The following CREB3L2 variants were observed in gnomAD, a reference collection of about 807,000 sequenced individuals.
The protein encoded by CREB3L2 is cAMP responsive element binding protein 3 like 2, also known as cyclic AMP-responsive element-binding protein 3-like protein 2.
CREB3L2 carries 23 observed loss-of-function variants against 57.2 expected under a neutral mutation model. The ratio of observed to expected loss-of-function variants is 0.40; its 90% CI spans 0.29 to 0.57. CREB3L2 has a LOEUF of 0.57. Ranked by LOEUF, CREB3L2 falls within the 20% of genes least tolerant of loss-of-function variation. The probability of loss-of-function intolerance (pLI) is 0.42; values close to 1 mark genes in which losing one functional copy is unlikely to be tolerated. For missense variants in CREB3L2, 628 were observed against 634.7 expected (o/e 0.99, Z 0.11); for synonymous variants, 268 against 265.1 (o/e 1.01, Z -0.11).
At chr7:137,950,537 G>A (rs1216534692) in intron 1 of CREB3L2, among the ~76,000 whole-genome samples, 1 of 152,148 alleles carries the variant, frequency 6.6e-6, no homozygotes, top group African/African-American at 2.4e-5. Flanking sequence ...GAGCTACTCC[G>A]TAGTAGTGCT....
At chr7:137,983,543 T>TA (rs754060362) in intron 1 of CREB3L2, among the ~76,000 whole-genome samples, 50 of 152,204 alleles carry the variant, frequency 3.3e-4, no homozygotes, top group Non-Finnish European at 4.6e-4. Context: ...AGGCAGGTGT[T>TA]GTTAAATTGC....
In CREB3L2 at chr7:137,875,441, G is replaced by C. The variant is rs759197545; in HGVS notation, c.*5035C>G. On this transcript the variant is annotated 3_prime_UTR_variant, in exon 12 of 12. Transcript: ENST00000330387. The stretch of plus-strand genomic sequence containing the variant: ...TCATGTTCTCACTCAGCTGGTGAGC[G>C]AAGGATGGGAGCAGAGAACAGAGCT... 4.5e-6 allele frequency: 1 copy of C among 221,962 alleles called. No homozygotes were observed. Among genetic ancestry groups the C allele is most frequent in the Non-Finnish European group, 9.0e-6 (1 of 111,022 alleles). 13.7% of individuals were successfully genotyped at this position (221,962 alleles called of 1,614,324 possible).
At chr7:137,952,727 C>G (rs1328721102) in intron 1 of CREB3L2, among the ~76,000 whole-genome samples, 2 of 152,206 alleles carry the variant, frequency 1.3e-5, no homozygotes, top group African/African-American at 4.8e-5. Flanking sequence ...CCTGATTCCT[C>G]TTTCTCCTTT....
chr7:138,001,475 G>A lies in CREB3L2; in HGVS notation c.102+129C>T, dbSNP rs1345624589. 1.6e-6 allele frequency: 1 copy of A among 635,790 alleles called. No homozygotes were observed. The highest frequency in any genetic ancestry group is 1.9e-5 in the African/African-American group (1 of 54,042). 39.4% of individuals were successfully genotyped at this position (635,790 alleles called of 1,614,324 possible). A position where few individuals can be genotyped will look rare whatever the true frequency, so the allele number is the denominator to read the frequency against. The stretch of plus-strand genomic sequence containing the variant: ...CAGACATTAAAGTACACCTCGCCCA[G>A]GACCTCTTGATTCTGACCATGCCCT... On this transcript the variant is annotated intron_variant, in intron 1 of 11. Transcript: ENST00000330387. The surrounding 1 kb of genome is among the most constrained non-coding windows in gnomAD (Gnocchi z 4.2).
At chr7:137,895,724 C>T (rs1254443442) in intron 8 of CREB3L2, among the ~76,000 whole-genome samples, 1 of 151,406 alleles carries the variant, frequency 6.6e-6, no homozygotes, top group African/African-American at 2.4e-5. Context: ...TGCGAAAGTC[C>T]CCTGTGGGGT....
intron 1 of CREB3L2, among the ~76,000 whole-genome samples, chr7:137,937,280 T>C (rs1800804837): frequency 6.6e-6 from 1 of 152,156 alleles, no homozygotes; most frequent in Admixed American, 6.5e-5. Flanking sequence ...CCATAAATGA[T>C]TCAGAGGACA....
chr7:138,000,952 C>A (rs999780992), intron 1 of CREB3L2, among the ~76,000 whole-genome samples: 1 of 152,108 alleles, frequency 6.6e-6, no homozygotes, highest in African/African-American at 2.4e-5. Flanking sequence ...CTTAAATATG[C>A]AACTGTCTCA....
At chr7:137,944,629 T>C (rs1383191343) in intron 1 of CREB3L2, among the ~76,000 whole-genome samples, 1 of 152,166 alleles carries the variant, frequency 6.6e-6, no homozygotes, top group African/African-American at 2.4e-5. Context: ...AGCCCACATA[T>C]GAGTATTTAA....
At chr7:137,979,365 C>G (rs1348240169) in intron 1 of CREB3L2, among the ~76,000 whole-genome samples, 1 of 152,128 alleles carries the variant, frequency 6.6e-6, no homozygotes, top group Non-Finnish European at 1.5e-5. Flanking sequence ...ACAGCAAGGG[C>G]GGGTCATCAG....
intron 8 of CREB3L2, among the ~76,000 whole-genome samples, chr7:137,887,582 G>A (rs986323184): frequency 1.1e-4 from 16 of 152,092 alleles, no homozygotes; most frequent in African/African-American, 3.9e-4. Flanking sequence ...GGTGGCGGGC[G>A]TCTGTAATCC....
At chr7:137,901,881 A>AAAAAAAAG (rs1200680665) in intron 7 of CREB3L2, among the ~76,000 whole-genome samples, 1 of 149,288 alleles carries the variant, frequency 6.7e-6, no homozygotes, top group East Asian at 2.0e-4. Context: ...TCTCAAAAAA[A>AAAAAAAAG]AAAAAAAAAA....
At chr7:137,937,556 GA>G (rs887202223) in intron 1 of CREB3L2, among the ~76,000 whole-genome samples, 1 of 150,632 alleles carries the variant, frequency 6.6e-6, no homozygotes, top group Non-Finnish European at 1.5e-5. Context: ...AAAGTCCCAA[GA>G]AAAAAAAATG....
intron 2 of CREB3L2, among the ~76,000 whole-genome samples, chr7:137,926,221 C>T (rs1800452948): frequency 6.6e-6 from 1 of 152,116 alleles, no homozygotes; most frequent in Non-Finnish European, 1.5e-5. Context: ...CCCAGCAATC[C>T]CATTACTGGG....
intron 1 of CREB3L2, among the ~76,000 whole-genome samples, chr7:137,952,064 T>C (rs1801113289): frequency 6.6e-6 from 1 of 152,222 alleles, no homozygotes; most frequent in African/African-American, 2.4e-5. Context: ...CTTATTTCTC[T>C]AACTTTGGTA....
intron 1 of CREB3L2, among the ~76,000 whole-genome samples, chr7:137,985,399 C>T (rs1178718298): frequency 6.6e-6 from 1 of 152,184 alleles, no homozygotes; most frequent in African/African-American, 2.4e-5. Flanking sequence ...GCCTTTGCTG[C>T]AGTGTATGGA....
rs1208315039 is a variant in CREB3L2 at position 137,942,338 on chromosome 7, C to T, written c.103-13972G>A. On this transcript the variant is annotated intron_variant, in intron 1 of 11. Transcript: ENST00000330387. ...GGGGTCCAGGTTCTCCTTAAAGTAT[C>T]CCTCTAAATCCTTCTGCCCTCAGGC... Among the ~76,000 whole-genome samples the T allele has an allele frequency of 2.0e-5, 3 of 152,168 alleles. No individual in the cohort carries two copies. The East Asian group carries it at 5.8e-4, about 29-fold the overall frequency.
At chr7:137,943,854 G>A (rs1034296182) in intron 1 of CREB3L2, among the ~76,000 whole-genome samples, 15 of 152,010 alleles carry the variant, frequency 9.9e-5, no homozygotes, top group Admixed American at 5.2e-4. Context: ...CAAAAATGCC[G>A]CCATGTATTT....
intron 1 of CREB3L2, among the ~76,000 whole-genome samples, chr7:137,955,836 T>A (rs1409480467): frequency 6.6e-6 from 1 of 152,112 alleles, no homozygotes. Context: ...ATCGCCAAGG[T>A]CTGATGTTTC....
chr7:137,957,700 C>T (rs765765448), intron 1 of CREB3L2: 64 of 1,075,696 alleles, frequency 5.9e-5, no homozygotes, highest in Middle Eastern at 2.3e-4. Context: ...ATTCCTACTC[C>T]TTCCACTCAA....
Sources: gnomAD v4.1 joint callset for allele counts (sites outside exome capture counted in the v4.1 genomes callset) on GRCh38, gnomAD v4.1.1 for gene constraint, Gnocchi (gnomAD v3.1) non-coding constraint, MANE v1.5 for transcripts, NCBI Gene and HGNC (gene_info 2026-07-23, HGNC 2026-07-21) for gene names.